Variants in KPNA2 observed in about 807,000 individuals in gnomAD.
KPNA2 encodes karyopherin subunit alpha 2, also known as importin subunit alpha-1.
KPNA2 carries 20 observed loss-of-function variants against 53.7 expected under a neutral mutation model. The observed-to-expected ratio is 0.37, with a 90% CI of 0.26 to 0.54. The LOEUF is 0.54. Ranked by LOEUF, KPNA2 falls within the 20% of genes least tolerant of loss-of-function variation. The probability of loss-of-function intolerance (pLI) is 0.83; values close to 1 mark genes in which losing one functional copy is unlikely to be tolerated. For missense variants in KPNA2, 515 were observed against 640.3 expected (o/e 0.80, Z 2.11); for synonymous variants, 238 against 227.5 (o/e 1.05, Z -0.42).
At chr17:68,037,280 G>A (rs1555703904) in intron 2 of KPNA2, 73 bp downstream of exon 2, 34 of 1,577,528 alleles carry the variant, frequency 2.2e-5, no homozygotes, top group Non-Finnish European at 2.8e-5. Flanking sequence ...GAAAACTGAG[G>A]TATTTAAAAA....
chr17:68,043,918 C>G lies in KPNA2; in HGVS notation c.1011C>G (p.Leu337=), dbSNP rs374767668. ...AGGTTGTGATTGATGCAGGAGCACTCGCCGTCTTTCCCAGCCTGCTCACCA... is the reference window on the plus strand; with the variant it reads ...AGGTTGTGATTGATGCAGGAGCACTGGCCGTCTTTCCCAGCCTGCTCACCA... The part of the protein sequence containing the change: ...QTQVVIDAGA[L]AVFPSLLTNP... The change falls in exon 8 of 11, where the codon CTC becomes CTG. Residue 337 remains leucine, a synonymous_variant. Coordinates refer to ENST00000330459, the MANE Select transcript of KPNA2 (RefSeq NM_002266.4). The G allele has an allele frequency of 6.2e-7, 1 of 1,613,394 alleles. No homozygotes were observed. The highest frequency in any genetic ancestry group is 1.7e-5 in the Admixed American group (1 of 59,968).
intron 1 of KPNA2, 176 bp from the exon 2 acceptor site, chr17:68,036,934 A>C: frequency 1.9e-6 from 1 of 535,466 alleles, no homozygotes. Flanking sequence ...TTTAGAGGGA[A>C]GGGGGACACT....
rs782764027 is a variant in KPNA2, at chr17:68,042,931, G to A, written c.598G>A (p.Val200Ile). 4 of 1,613,094 alleles carry A rather than the reference G, an allele frequency of 2.5e-6. No homozygotes were observed. Among genetic ancestry groups the A allele is most frequent in the Non-Finnish European group, 3.4e-6 (4 of 1,179,696 alleles). ...AGDGSVFRDL[V>I]IKYGAVDPLL... ...TGATGGCTCAGTGTTCCGAGACTTG[G>A]TTATTAAGTACGGTGCAGTTGACCC... is the stretch of plus-strand genomic sequence containing the variant. Residue 200 changes from valine (V) to isoleucine (I), a missense_variant, in exon 6 of 11, where the codon GTT becomes ATT. Transcript: ENST00000330459.
intron 3 of KPNA2, among the ~76,000 whole-genome samples, chr17:68,039,628 A>G (rs2071230629): frequency 6.7e-6 from 1 of 150,242 alleles, no homozygotes; most frequent in South Asian, 2.1e-4. Context: ...TAAAAATACA[A>G]AATTAGCTGG....
In KPNA2 at chr17:68,043,822, ATTT is replaced by A. The variant is rs144471912; in HGVS notation, c.931-6_931-4del. On this transcript the variant is annotated splice_polypyrimidine_tract_variant and intron_variant, in intron 7 of 10. Transcript: ENST00000330459. ...GGGAAAAAATAACCAGCATCAACATATTTTTTTTTTTTCAGACTCCTGCCCTAA... is the reference window on the plus strand; with the variant it reads ...GGGAAAAAATAACCAGCATCAACATATTTTTTTTTCAGACTCCTGCCCTAA... 13 of 1,185,222 alleles carry A rather than the reference ATTT, an allele frequency of 1.1e-5. No individual in the cohort carries two copies. In the East Asian group the frequency reaches 1.1e-4, roughly 10 times the overall value. The allele number at this position is 1,185,222 out of a possible 1,614,324, so 73.4% of individuals were successfully genotyped here. A position where few individuals can be genotyped will look rare whatever the true frequency, so the allele number is the denominator to read the frequency against.
At chr17:68,043,073 TC>T in intron 6 of KPNA2, 26 bp from the exon 7 acceptor site, 1 of 1,613,584 alleles carries the variant, frequency 6.2e-7, no homozygotes, top group Admixed American at 1.7e-5. Flanking sequence ...AGACAGAACC[TC>T]TCATTGCCTA....
intron 8 of KPNA2, 80 bp from the exon 9 acceptor site, chr17:68,044,241 A>G (rs2071301635): frequency 2.1e-6 from 3 of 1,421,150 alleles, no homozygotes; most frequent in African/African-American, 2.8e-5. Context: ...ACTTTCAGTC[A>G]TTGTTTTTGT....
At chr17:68,040,260 A>ATTTTTT (rs782418464) in intron 3 of KPNA2, among the ~76,000 whole-genome samples, 27 of 117,952 alleles carry the variant, frequency 2.3e-4, no homozygotes, top group Non-Finnish European at 2.4e-4. Context: ...ATGCCTGGAT[A>ATTTTTT]TTTTTTTTTT....
At chr17:68,044,608 A>G (rs1188281715) in intron 9 of KPNA2, 105 bp downstream of exon 9, 1 of 850,570 alleles carries the variant, frequency 1.2e-6, no homozygotes, top group Non-Finnish European at 1.9e-6. Flanking sequence ...CTAGTAAGCC[A>G]CAGAATCAGA....
In KPNA2 at chr17:68,044,018, C is replaced by G. The variant is rs782750791; in HGVS notation, c.1111C>G (p.Gln371Glu). ...NITAGRQDQI[Q>E]QVVNHGLVPF... is the part of the protein sequence containing the mutation. ...CACAGCCGGCCGCCAGGACCAGATA[C>G]AGCAAGTTGTGAATCATGGATTAGT... The change falls in exon 8 of 11, where the codon CAG (glutamine) becomes GAG (glutamate). Residue 371 changes from glutamine to glutamate, a missense_variant. Transcript: ENST00000330459. 9 of 1,613,846 alleles carry G rather than the reference C, an allele frequency of 5.6e-6. No individual in the cohort carries two copies. Among genetic ancestry groups the G allele is most frequent in the Admixed American group, 5.0e-5 (3 of 59,986 alleles).
At position 68,042,130 on chromosome 17, in the gene KPNA2, C is replaced by G. The variant is rs782694914; in HGVS notation, c.348C>G (p.Ile116Met). Residue 116 changes from isoleucine to methionine, a missense_variant, in exon 5 of 11, where the codon ATC becomes ATG. Coordinates refer to ENST00000330459, the MANE Select transcript of KPNA2 (RefSeq NM_002266.4). Reference sequence around the variant, plus strand: ...AACAGCCCCCCATAGACAACATAATCCGGGCTGGTTTGATTCCGAAATTTG... The same window carrying G: ...AACAGCCCCCCATAGACAACATAATGCGGGCTGGTTTGATTCCGAAATTTG... The part of the protein sequence containing the change: ...REKQPPIDNI[I>M]RAGLIPKFVS... 3 of 1,613,946 alleles carry G rather than the reference C, an allele frequency of 1.9e-6. No homozygotes were observed. In the East Asian group the frequency reaches 6.7e-5, roughly 36 times the overall value.
rs1555704466 is a variant in KPNA2, at chr17:68,040,770, A to G, written c.302+4A>G. ...TCCAAGCTACTCAAGCTGCCAGGTA[A>G]GTCTTGTCTGCGATAGCATGGGTAG... On this transcript the variant is annotated splice_donor_region_variant and intron_variant, in intron 4 of 10. Transcript: ENST00000330459. 3.8e-6 allele frequency: 6 copies of G among 1,572,086 alleles called. No individual in the cohort carries two copies. Among genetic ancestry groups the G allele is most frequent in the Non-Finnish European group, 1.7e-6 (2 of 1,149,704 alleles).
intron 3 of KPNA2, among the ~76,000 whole-genome samples, chr17:68,039,247 A>G (rs1555704186): frequency 2.0e-5 from 3 of 151,758 alleles, no homozygotes; most frequent in Admixed American, 1.3e-4. Flanking sequence ...CAGCCTCCCA[A>G]GTAGCTGGGA....
In KPNA2 at chr17:68,043,137, A is replaced by G. The variant is rs781807796; in HGVS notation, c.704A>G (p.Asn235Ser). 3.7e-6 allele frequency: 6 copies of G among 1,613,932 alleles called. No homozygotes were observed. In the Admixed American group the frequency reaches 8.3e-5, roughly 22 times the overall value. ...CGTAATCTTACCTGGACACTTTCTA[A>G]TCTTTGCCGCAACAAGAATCCTGCA... Reference protein sequence around the residue: ...YLRNLTWTLSNLCRNKNPAPP... With the variant: ...YLRNLTWTLSSLCRNKNPAPP... Residue 235 changes from asparagine to serine, a missense_variant, in exon 7 of 11, where the codon AAT becomes AGT. Transcript: ENST00000330459.
intron 3 of KPNA2, among the ~76,000 whole-genome samples, chr17:68,037,696 T>C (rs1463511967): frequency 2.0e-5 from 3 of 152,190 alleles, no homozygotes; most frequent in African/African-American, 7.2e-5. Flanking sequence ...GATCTTCCTT[T>C]AGCTCTGACC....
chr17:68,036,901 C>G, intron 1 of KPNA2: 1 of 435,168 alleles, frequency 2.3e-6, no homozygotes, highest in Non-Finnish European at 4.1e-6. Flanking sequence ...TGATGGAGAG[C>G]CCTCTCCAGG....
intron 3 of KPNA2, among the ~76,000 whole-genome samples, chr17:68,038,069 C>T (rs933873103): frequency 5.9e-5 from 9 of 152,088 alleles, no homozygotes; most frequent in South Asian, 2.1e-4. Context: ...CTCCATCTCC[C>T]GGGTTCACGC....
At chr17:68,040,137 C>T (rs1414916091) in intron 3 of KPNA2, among the ~76,000 whole-genome samples, 1 of 152,104 alleles carries the variant, frequency 6.6e-6, no homozygotes, top group Non-Finnish European at 1.5e-5. Flanking sequence ...GTCTTTCTCC[C>T]TCAAAGTATA....
At chr17:68,040,393 C>T (rs925895376) in intron 3 of KPNA2, among the ~76,000 whole-genome samples, 41 of 151,554 alleles carry the variant, frequency 2.7e-4, no homozygotes, top group Admixed American at 7.9e-4. Context: ...CCATGCCTGT[C>T]CTTCTCGTTC....
Sources: allele counts gnomAD v4.1 joint callset (sites outside exome capture counted in the v4.1 genomes callset), GRCh38; gene constraint gnomAD v4.1.1; transcripts MANE v1.5; gene names NCBI Gene and HGNC (gene_info 2026-07-23, HGNC 2026-07-21).